The following INPP5A variants were observed in gnomAD, a reference collection of about 807,000 sequenced individuals.
INPP5A encodes inositol polyphosphate-5-phosphatase A, also known as 43 kDa inositol polyphosphate 5-phophatase.
Under a neutral mutation model 65.2 loss-of-function variants are expected in INPP5A, and 14 were observed. The observed-to-expected ratio is 0.21, with a 90% CI of 0.14 to 0.34. The LOEUF (loss-of-function observed/expected upper bound fraction) is 0.34. Among genes scored for constraint, INPP5A ranks in the 10% least tolerant of loss-of-function variants. INPP5A has a pLI of 1.00. For synonymous variants in INPP5A, 207 were observed against 208.3 expected, an observed-to-expected ratio of 0.99 and a Z score of 0.05; for missense variants, 431 against 545.6, an observed-to-expected ratio of 0.79 and a Z score of 2.09.
In INPP5A at chr10:132,759,179, A is replaced by G. The variant is rs1846685716; in HGVS notation, c.904-6594A>G. Among the ~76,000 whole-genome samples the G allele has an allele frequency of 4.6e-5, 7 of 152,236 alleles. No individual in the cohort carries two copies. In the South Asian group the frequency reaches 8.3e-4, roughly 18 times the overall value. ...TGAGGCCATGCCCGTCCACACGCTC[A>G]GAGCCCCCAGGGACCAACAGTGTCC... On this transcript the variant is annotated intron_variant, in intron 11 of 15. Coordinates refer to ENST00000368594, the MANE Select transcript of INPP5A (RefSeq NM_005539.5).
chr10:132,779,638 G>A (rs916890145), intron 13 of INPP5A, among the ~76,000 whole-genome samples: 22 of 152,212 alleles, frequency 1.4e-4, no homozygotes, highest in African/African-American at 4.8e-4. Flanking sequence ...CACACCTGGC[G>A]GCCTTTGACA....
At chr10:132,758,545 C>T (rs867286327) in intron 11 of INPP5A, among the ~76,000 whole-genome samples, 1 of 151,888 alleles carries the variant, frequency 6.6e-6, no homozygotes, top group South Asian at 2.1e-4. Context: ...ACCTGAGTCC[C>T]CAGCTGACCC....
intron 6 of INPP5A, among the ~76,000 whole-genome samples, chr10:132,699,268 G>A (rs1164062881): frequency 6.7e-6 from 1 of 150,252 alleles, no homozygotes; most frequent in African/African-American, 2.4e-5. Flanking sequence ...CCTGCGAGCT[G>A]AACTCTGGCC....
chr10:132,620,711 T>A (rs1378962313), intron 2 of INPP5A, among the ~76,000 whole-genome samples: 5 of 152,236 alleles, frequency 3.3e-5, no homozygotes, highest in African/African-American at 1.2e-4. Context: ...CTATATCTAT[T>A]CAATTAAAAA....
At chr10:132,751,043 C>T (rs117020904) in intron 11 of INPP5A, among the ~76,000 whole-genome samples, 3 of 152,312 alleles carry the variant, frequency 2.0e-5, no homozygotes, top group East Asian at 3.9e-4. Context: ...CAGAGGGGCA[C>T]GCCCAGCCCA....
chr10:132,674,441 C>T lies in INPP5A; in HGVS notation c.307-15951C>T, dbSNP rs1394336005. On this transcript the variant is annotated intron_variant, in intron 4 of 15. Coordinates refer to ENST00000368594, the MANE Select transcript of INPP5A (RefSeq NM_005539.5). The surrounding 1 kb of genome is among the most constrained non-coding windows in gnomAD (Gnocchi z 4.4). ...CTGTCATGCTACAGCTGTCCACTTT[C>T]GGGTGGTGCCTGCATACCGTGCAGA... is the stretch of plus-strand genomic sequence containing the variant. Among the ~76,000 whole-genome samples, 2 of 152,202 alleles carry T rather than the reference C, an allele frequency of 1.3e-5. No homozygotes were observed. Among genetic ancestry groups the T allele is most frequent in the Admixed American group, 6.5e-5 (1 of 15,286 alleles).
rs925537980 is a variant in INPP5A at position 132,616,013 on chromosome 10, C to T, written c.117+8057C>T. Reference sequence around the variant, plus strand: ...GGCCTCCCCTCTTAGTGGTGATGGGCTTCACCCTCTGTAGCTGCCGGTTCC... The same window carrying T: ...GGCCTCCCCTCTTAGTGGTGATGGGTTTCACCCTCTGTAGCTGCCGGTTCC... On this transcript the variant is annotated intron_variant, in intron 2 of 15. Transcript: ENST00000368594. This position sits in a 1 kb window ranked among gnomAD's most constrained non-coding sequence, Gnocchi z 4.9. Among the ~76,000 whole-genome samples, 5 of 152,174 alleles carry T rather than the reference C, an allele frequency of 3.3e-5. No individual in the cohort carries two copies. The highest frequency in any genetic ancestry group is 7.4e-5 in the Non-Finnish European group (5 of 68,016).
chr10:132,617,533 T>C, intron 2 of INPP5A, among the ~76,000 whole-genome samples: 1 of 152,220 alleles, frequency 6.6e-6, no homozygotes, highest in Non-Finnish European at 1.5e-5. Context: ...GAGCGGCTGT[T>C]ACCTGCTCGT....
intron 1 of INPP5A, among the ~76,000 whole-genome samples, chr10:132,572,400 T>C (rs1482898136): frequency 3.3e-5 from 5 of 152,168 alleles, no homozygotes; most frequent in Non-Finnish European, 2.9e-5. Context: ...GCTGCACAGC[T>C]TGCCTGGGAG....
intron 1 of INPP5A, among the ~76,000 whole-genome samples, chr10:132,605,775 C>T (rs1282208402): frequency 6.6e-6 from 1 of 152,136 alleles, no homozygotes; most frequent in African/African-American, 2.4e-5. Flanking sequence ...CCTTGAGGGC[C>T]TTGTCTTTTT....
chr10:132,780,184 G>A (rs543437654), intron 13 of INPP5A, among the ~76,000 whole-genome samples: 12 of 152,354 alleles, frequency 7.9e-5, no homozygotes, highest in Admixed American at 3.9e-4. Flanking sequence ...AGTCTCAGAT[G>A]CTCCAGCTGT....
chr10:132,569,612 C>T (rs977098735), intron 1 of INPP5A, among the ~76,000 whole-genome samples: 2 of 152,216 alleles, frequency 1.3e-5, no homozygotes, highest in Non-Finnish European at 2.9e-5. Flanking sequence ...CTGCCTCAGC[C>T]TCCCAAAGTG....
Position 132,703,816 on chromosome 10 carries a change from A to C in INPP5A, c.475-4497A>C, listed in dbSNP as rs529900401. Among the ~76,000 whole-genome samples the C allele has an allele frequency of 4.6e-3, 215 of 46,288 alleles. 1 individual carries two copies. The highest frequency in any genetic ancestry group is 6.1e-3 in the Non-Finnish European group (165 of 26,936). The allele number at this position is 46,288 out of a possible 152,430, so 30.4% of individuals were successfully genotyped here. On this transcript the variant is annotated intron_variant, in intron 6 of 15. Coordinates refer to ENST00000368594, the MANE Select transcript of INPP5A (RefSeq NM_005539.5). The stretch of plus-strand genomic sequence containing the variant: ...CACACACACGCTTGGCTTCACTCCC[A>C]CACACACACGTGGCTTCACCCCCCC...
intron 9 of INPP5A, among the ~76,000 whole-genome samples, chr10:132,740,667 A>G (rs1469888571): frequency 6.6e-6 from 1 of 152,148 alleles, no homozygotes; most frequent in Non-Finnish European, 1.5e-5. Context: ...GCTGCTAGAG[A>G]GTGGCTACGT....
intron 1 of INPP5A, among the ~76,000 whole-genome samples, chr10:132,567,321 T>C (rs1305829478): frequency 6.6e-6 from 1 of 152,234 alleles, no homozygotes; most frequent in Non-Finnish European, 1.5e-5. Flanking sequence ...TTTCATTTAT[T>C]AATTTTTTGA....
rs1271207276 is a variant in INPP5A at position 132,552,869 on chromosome 10, G to A, written c.75+14698G>A. Among the ~76,000 whole-genome samples the A allele has an allele frequency of 2.9e-5, 4 of 135,940 alleles. No homozygotes were observed. The East Asian group carries it at 7.3e-4, about 25-fold the overall frequency. The allele number at this position is 135,940 out of a possible 152,430, so 89.2% of individuals were successfully genotyped here. A position where few individuals can be genotyped will look rare whatever the true frequency, so the allele number is the denominator to read the frequency against. ...GGACAGGGAGGGAGGACTGGTGAAC[G>A]CCTTCTCAGAGCCTTGGTGGCATAT... is the stretch of plus-strand genomic sequence containing the variant. On this transcript the variant is annotated intron_variant, in intron 1 of 15. Transcript: ENST00000368594.
At chr10:132,557,610 G>C (rs1337423144) in intron 1 of INPP5A, among the ~76,000 whole-genome samples, 3 of 152,368 alleles carry the variant, frequency 2.0e-5, no homozygotes, top group South Asian at 4.1e-4. Context: ...GGGTCATTGA[G>C]TGCTGGTTTG....
intron 2 of INPP5A, among the ~76,000 whole-genome samples, chr10:132,632,475 C>T (rs1054428960): frequency 6.6e-6 from 1 of 152,220 alleles, no homozygotes; most frequent in Non-Finnish European, 1.5e-5. Flanking sequence ...CAGCGACCGT[C>T]TCAGGAAGGC....
chr10:132,724,848 CAG>C (rs1462418906), intron 8 of INPP5A, among the ~76,000 whole-genome samples: 7 of 136,302 alleles, frequency 5.1e-5, no homozygotes, highest in African/African-American at 2.0e-4. Flanking sequence ...TCACCACAGA[CAG>C]GGGTTACTCA....
Sources: gnomAD v4.1 joint callset for allele counts (sites outside exome capture counted in the v4.1 genomes callset) on GRCh38, gnomAD v4.1.1 for gene constraint, Gnocchi (gnomAD v3.1) non-coding constraint, MANE v1.5 for transcripts, NCBI Gene and HGNC (gene_info 2026-07-23, HGNC 2026-07-21) for gene names.